The following HSCB variants were observed in gnomAD, a reference collection of about 807,000 sequenced individuals.
HSCB encodes iron-sulfur cluster co-chaperone protein HscB.
Under a neutral mutation model 31.3 loss-of-function variants are expected in HSCB, and 23 were observed. The observed-to-expected ratio is 0.74, with a 90% CI of 0.53 to 1.04. HSCB has a LOEUF of 1.04. Among genes scored for constraint, HSCB ranks in the 50% least tolerant of loss-of-function variants. HSCB has a pLI of 0.00. For missense variants in HSCB, 297 were observed against 288.1 expected (o/e 1.03, Z -0.22); for synonymous variants, 110 against 104.5 (o/e 1.05, Z -0.32).
Position 28,757,321 on chromosome 22 carries a change from C to T in HSCB, c.*152C>T. ...CCAACATAGTGAAACCCCGTCTCTGCTGAAAATACAAAAATTAGCCGGGCA... is the reference window on the plus strand; with the variant it reads ...CCAACATAGTGAAACCCCGTCTCTGTTGAAAATACAAAAATTAGCCGGGCA... On this transcript the variant is annotated 3_prime_UTR_variant, in exon 6 of 6. Coordinates refer to ENST00000216027, the MANE Select transcript of HSCB (RefSeq NM_172002.5). 1 of 478,592 alleles carries T rather than the reference C, an allele frequency of 2.1e-6. No homozygotes were observed. Among genetic ancestry groups the T allele is most frequent in the Non-Finnish European group, 4.0e-6 (1 of 252,500 alleles). The allele number at this position is 478,592 out of a possible 1,614,324, so 29.6% of individuals were successfully genotyped here.
chr22:28,745,814 C>G lies in HSCB; in HGVS notation c.424-50C>G. 3 of 1,500,400 alleles carry G rather than the reference C, an allele frequency of 2.0e-6. No homozygotes were observed. The South Asian group carries it at 3.8e-5, about 19-fold the overall frequency. 92.9% of individuals were successfully genotyped at this position (1,500,400 alleles called of 1,614,324 possible). A position where few individuals can be genotyped will look rare whatever the true frequency, so the allele number is the denominator to read the frequency against. ...TAATGGATGAGTAGGATTTACATTA[C>G]TCTGCCCATAGCTTCTTCAACTTAT... On this transcript the variant is annotated intron_variant, in intron 3 of 5. Coordinates refer to ENST00000216027, the MANE Select transcript of HSCB (RefSeq NM_172002.5).
chr22:28,744,888 T>A (rs1173101033), intron 3 of HSCB, among the ~76,000 whole-genome samples, 184 bp downstream of exon 3: 1 of 151,560 alleles, frequency 6.6e-6, no homozygotes, highest in Non-Finnish European at 1.5e-5. Context: ...TTCAAGACCA[T>A]CCTGGGCAAC....
chr22:28,742,192 C>G lies in HSCB; in HGVS notation c.97C>G (p.Gln33Glu). The change falls in exon 1 of 6, where the codon CAG becomes GAG. Residue 33 changes from glutamine to glutamate, a missense_variant. Coordinates refer to ENST00000216027, the MANE Select transcript of HSCB (RefSeq NM_172002.5). ...ACCGCTAAGCTGCGATGCTGCGTCG[C>G]AGGCGGGAAGCAATTATCCCCGCTG... ...RRPLSCDAASQAGSNYPRCWN... is the reference protein window; with the variant it reads ...RRPLSCDAASEAGSNYPRCWN... The G allele has an allele frequency of 6.2e-7, 1 of 1,613,902 alleles. No individual in the cohort carries two copies. Among genetic ancestry groups the G allele is most frequent in the Non-Finnish European group, 8.5e-7 (1 of 1,179,968 alleles).
chr22:28,753,327 A>G (rs1055659412), intron 5 of HSCB, among the ~76,000 whole-genome samples: 4 of 139,172 alleles, frequency 2.9e-5, no homozygotes, highest in Admixed American at 1.5e-4. Context: ...GGAGTTCGAG[A>G]CCTGCCTGGC....
At chr22:28,746,898 C>CA (rs71194793) in intron 4 of HSCB, among the ~76,000 whole-genome samples, 93 of 124,698 alleles carry the variant, frequency 7.5e-4, no homozygotes, top group Middle Eastern at 8.9e-3. Context: ...GACTCCGTCT[C>CA]AAAAAAAAAA....
rs1211899672 is a variant in HSCB, at chr22:28,742,256, A to G, written c.161A>G (p.Asp54Gly). 1 of 1,613,970 alleles carries G rather than the reference A, an allele frequency of 6.2e-7. No homozygotes were observed. Residue 54 changes from aspartate to glycine, a missense_variant, in exon 1 of 6, where the codon GAC (aspartate) becomes GGC (glycine). Coordinates refer to ENST00000216027, the MANE Select transcript of HSCB (RefSeq NM_172002.5). ...CGGPWGPGRE[D>G]RFFCPQCRAL... is the part of the protein sequence containing the mutation. ...GGCCCATGGGGCCCCGGGCGGGAGG[A>G]CAGGTTCTTCTGCCCACAGTGCCGA...
At chr22:28,744,477 G>A (rs2054649023) in intron 2 of HSCB, 138 bp from the exon 3 acceptor site, 6 of 636,012 alleles carry the variant, frequency 9.4e-6, no homozygotes, top group South Asian at 1.8e-5. Context: ...ACTTGAACGT[G>A]GGAGGTGGAG....
intron 5 of HSCB, among the ~76,000 whole-genome samples, chr22:28,752,099 CAAAA>C (rs993515685): frequency 3.7e-5 from 5 of 135,846 alleles, no homozygotes; most frequent in Non-Finnish European, 8.0e-5. Context: ...TCAAAACAAA[CAAAA>C]AAAAAACCTG....
chr22:28,744,191 A>G (rs575838294), intron 2 of HSCB, among the ~76,000 whole-genome samples: 23 of 152,348 alleles, frequency 1.5e-4, no homozygotes, highest in Non-Finnish European at 2.6e-4. Context: ...AGCTGAATAT[A>G]AAGACACCTC....
At chr22:28,751,571 C>T (rs976578017) in intron 5 of HSCB, among the ~76,000 whole-genome samples, 6 of 152,086 alleles carry the variant, frequency 3.9e-5, no homozygotes, top group Admixed American at 6.6e-5. Flanking sequence ...CACGGTGAAA[C>T]TCTGTCTCTA....
At chr22:28,742,443 G>T (rs2054587480) in intron 1 of HSCB, 112 bp downstream of exon 1, 1 of 1,484,694 alleles carries the variant, frequency 6.7e-7, no homozygotes, top group Non-Finnish European at 9.0e-7. Flanking sequence ...ACTGATGGGG[G>T]GGCGGAGGTC....
chr22:28,745,611 T>G (rs748662870), intron 3 of HSCB: 2 of 299,122 alleles, frequency 6.7e-6, no homozygotes, highest in Non-Finnish European at 1.2e-5. Flanking sequence ...TACAAACATC[T>G]AGTTCAACCT....
intron 1 of HSCB, chr22:28,742,714 A>G: frequency 3.7e-6 from 1 of 268,208 alleles, no homozygotes; most frequent in Non-Finnish European, 7.3e-6. Flanking sequence ...AGACTGGAAG[A>G]CTTGAATGAA....
Position 28,744,709 on chromosome 22 carries a change from G to A in HSCB, c.423+5G>A, listed in dbSNP as rs758177393. 7.5e-6 allele frequency: 12 copies of A among 1,607,674 alleles called. No individual in the cohort carries two copies. The African/African-American group carries it at 8.0e-5, about 11-fold the overall frequency. On this transcript the variant is annotated splice_donor_5th_base_variant and intron_variant, in intron 3 of 5. Transcript: ENST00000216027. ...CTGAGCAGAGGACTGTACCTTGTAA[G>A]GTGATTTCCCAACACTTCTGTGTAT...
intron 5 of HSCB, among the ~76,000 whole-genome samples, chr22:28,752,011 A>G (rs1055065859): frequency 1.3e-5 from 2 of 151,942 alleles, no homozygotes; most frequent in African/African-American, 4.8e-5. Context: ...GAATTGCTTG[A>G]ACCAGGGAGG....
At position 28,744,676 on chromosome 22, in the gene HSCB, T is replaced by A; in HGVS notation, c.395T>A (p.Leu132Gln). The part of the protein sequence containing the change: ...TLVNDAYKTL[L>Q]APLSRGLYLL... ...GTGAATGATGCCTATAAGACCCTCC[T>A]GGCCCCCCTGAGCAGAGGACTGTAC... is the stretch of plus-strand genomic sequence containing the variant. Residue 132 changes from leucine to glutamine, a missense_variant, in exon 3 of 6, where the codon CTG becomes CAG. Leu to Gln is a moderately radical substitution (Grantham distance 113). Coordinates refer to ENST00000216027, the MANE Select transcript of HSCB (RefSeq NM_172002.5). 1 of 1,614,028 alleles carries A rather than the reference T, an allele frequency of 6.2e-7. No homozygotes were observed. The highest frequency in any genetic ancestry group is 8.5e-7 in the Non-Finnish European group (1 of 1,179,850).
rs5762779 is a variant in HSCB at position 28,754,329 on chromosome 22, G to A, written c.617-2749G>A. Among the ~76,000 whole-genome samples the A allele has an allele frequency of 2.5e-4, 38 of 152,176 alleles. No individual in the cohort carries two copies. In the East Asian group the frequency reaches 7.4e-3, roughly 29 times the overall value. On this transcript the variant is annotated intron_variant, in intron 5 of 5. Coordinates refer to ENST00000216027, the MANE Select transcript of HSCB (RefSeq NM_172002.5). ...GGATAGAGTCAGGAAGAGGAAAATAGAGAGTTATTTCATAAGTAGAGAGCT... is the reference window on the plus strand; with the variant it reads ...GGATAGAGTCAGGAAGAGGAAAATAAAGAGTTATTTCATAAGTAGAGAGCT...
At chr22:28,752,802 T>C (rs2030347538) in intron 5 of HSCB, among the ~76,000 whole-genome samples, 1 of 151,528 alleles carries the variant, frequency 6.6e-6, no homozygotes, top group African/African-American at 2.4e-5. Context: ...ATTGATTGGC[T>C]AGGCGTGGTG....
chr22:28,745,788 C>G (rs1020424966), intron 3 of HSCB, 76 bp from the exon 4 acceptor site: 1 of 1,261,736 alleles, frequency 7.9e-7, no homozygotes, highest in African/African-American at 1.5e-5. Context: ...GTATTATTTC[C>G]TAATGGATGA....
Sources: allele counts gnomAD v4.1 joint callset (sites outside exome capture counted in the v4.1 genomes callset), GRCh38; gene constraint gnomAD v4.1.1; transcripts MANE v1.5; gene names NCBI Gene and HGNC (gene_info 2026-07-23, HGNC 2026-07-21).